Variants in ACSM3 observed in about 807,000 individuals in gnomAD.
The protein encoded by ACSM3 is acyl-CoA synthetase medium chain family member 3, also known as acyl-coenzyme A synthetase ACSM3, mitochondrial.
A neutral mutation model predicts 74.1 loss-of-function variants in ACSM3; 61 were observed. That is an observed-to-expected ratio of 0.82 (90% CI 0.67 to 1.02). ACSM3 has a LOEUF of 1.02. Ranked by LOEUF, ACSM3 falls within the 50% of genes least tolerant of loss-of-function variation. ACSM3 has a pLI of 0.00. For synonymous variants in ACSM3, 213 were observed against 241.5 expected, an observed-to-expected ratio of 0.88 and a Z score of 1.09; for missense variants, 660 against 697.0, an observed-to-expected ratio of 0.95 and a Z score of 0.60.
intron 1 of ACSM3, among the ~76,000 whole-genome samples, chr16:20,727,648 G>T (rs28638307): frequency 6.6e-6 from 1 of 152,056 alleles, no homozygotes; most frequent in Non-Finnish European, 1.5e-5. Flanking sequence ...TGCTAAAGGG[G>T]TGATGATTAT....
In ACSM3 at chr16:20,741,899, G is replaced by T. The variant is rs1014674415; in HGVS notation, c.-189-8011G>T. The T allele has an allele frequency of 2.6e-6, 4 of 1,534,484 alleles. No individual in the cohort carries two copies. The African/African-American group carries it at 5.5e-5, about 21-fold the overall frequency. On this transcript the variant is annotated intron_variant, in intron 1 of 3. Transcript: ENST00000561584. ...CTGCGCCAGGTCCTAAGGCCGGTCT[G>T]CAATCGTGAAAGGGGTGGAGTGATA...
intron 1 of ACSM3, among the ~76,000 whole-genome samples, chr16:20,705,901 T>C (rs979352516): frequency 3.3e-5 from 5 of 152,158 alleles, no homozygotes; most frequent in African/African-American, 1.2e-4. Context: ...GAAATGATTT[T>C]AAAATTGAGA....
At chr16:20,773,074 ATT>A (rs1205377650) in intron 2 of ACSM3, among the ~76,000 whole-genome samples, 1 of 151,836 alleles carries the variant, frequency 6.6e-6, no homozygotes, top group Admixed American at 6.6e-5. Flanking sequence ...ATTACATATT[ATT>A]GGTCTATTCA....
chr16:20,790,480 T>G lies in ACSM3; in HGVS notation c.1225-107T>G. The stretch of plus-strand genomic sequence containing the variant: ...TCACACACACAAAATTTTTTTTAAG[T>G]CTTCATTTTTAAATGGCAAAAGCCA... On this transcript the variant is annotated intron_variant, in intron 9 of 13. Transcript: ENST00000289416. The surrounding 1 kb of genome is among the most constrained non-coding windows in gnomAD (Gnocchi z 4.0). The G allele has an allele frequency of 8.9e-7, 1 of 1,128,800 alleles. No homozygotes were observed. Among genetic ancestry groups the G allele is most frequent in the Non-Finnish European group, 1.3e-6 (1 of 787,314 alleles). The allele number at this position is 1,128,800 out of a possible 1,614,324, so 69.9% of individuals were successfully genotyped here.
At chr16:20,678,135 C>A (rs2079350215) in intron 1 of ACSM3, among the ~76,000 whole-genome samples, 1 of 152,070 alleles carries the variant, frequency 6.6e-6, no homozygotes, top group South Asian at 2.1e-4. Context: ...CTGTAGATCC[C>A]AAGCTACACT....
chr16:20,793,128 G>A (rs1421316610), intron 12 of ACSM3, among the ~76,000 whole-genome samples: 1 of 152,172 alleles, frequency 6.6e-6, no homozygotes, highest in Non-Finnish European at 1.5e-5. Context: ...ACAGGGCACA[G>A]GGCAGAGTTA....
chr16:20,789,357 A>G, intron 9 of ACSM3: 4 of 742,708 alleles, frequency 5.4e-6, no homozygotes, highest in Non-Finnish European at 9.4e-6. Flanking sequence ...AAGTACTTAA[A>G]GGTTTAGCAT....
intron 1 of ACSM3, among the ~76,000 whole-genome samples, chr16:20,717,742 T>C (rs1018929420): frequency 3.9e-5 from 6 of 151,934 alleles, no homozygotes; most frequent in African/African-American, 1.5e-4. Flanking sequence ...AAAATGCATG[T>C]CCTTTTGTTA....
chr16:20,796,268 C>G, intron 12 of ACSM3, 102 bp from the exon 13 acceptor site: 1 of 1,508,000 alleles, frequency 6.6e-7, no homozygotes, highest in Non-Finnish European at 8.8e-7. Flanking sequence ...ACACACTGGC[C>G]CACCCCACCA....
At chr16:20,778,955 G>A (rs188331606) in intron 4 of ACSM3, among the ~76,000 whole-genome samples, 1 of 152,288 alleles carries the variant, frequency 6.6e-6, no homozygotes, top group African/African-American at 2.4e-5. Context: ...GTTTCGTCAT[G>A]TTAGCCAGGA....
chr16:20,685,182 G>A (rs780488917), intron 1 of ACSM3: 62 of 1,613,984 alleles, frequency 3.8e-5, no homozygotes. Flanking sequence ...GGTCCCTCTT[G>A]CATCACTGAC....
In ACSM3 at chr16:20,796,449, A is replaced by G. The variant is rs13306608; in HGVS notation, c.1634A>G (p.His545Arg). The change falls in exon 13 of 14, where the codon CAT becomes CGT. Residue 545 changes from histidine (H) to arginine (R), a missense_variant. Transcript: ENST00000289416. The stretch of plus-strand genomic sequence containing the variant: ...CAACTAATAAAGGAGATTCAGGAGC[A>G]TGTTAAAAAAACTACAGCACCTTAC... Reference protein sequence around the residue: ...QEQLIKEIQEHVKKTTAPYKY... With the variant: ...QEQLIKEIQERVKKTTAPYKY... 1.9e-6 allele frequency: 3 copies of G among 1,613,862 alleles called. No homozygotes were observed. Among genetic ancestry groups the G allele is most frequent in the Non-Finnish European group, 2.5e-6 (3 of 1,179,930 alleles).
At chr16:20,690,621 C>A (rs1453712559) in intron 1 of ACSM3, among the ~76,000 whole-genome samples, 6 of 152,212 alleles carry the variant, frequency 3.9e-5, no homozygotes, top group African/African-American at 1.2e-4. Flanking sequence ...AGTTTGATGA[C>A]ATGAATACCA....
intron 1 of ACSM3, among the ~76,000 whole-genome samples, chr16:20,765,942 T>C (rs1260832006): frequency 6.6e-6 from 1 of 152,232 alleles, no homozygotes; most frequent in Middle Eastern, 3.2e-3. Context: ...TATTCCCTTG[T>C]TTACTATATG....
intron 1 of ACSM3, among the ~76,000 whole-genome samples, chr16:20,700,943 G>A (rs768148026): frequency 5.9e-5 from 9 of 152,174 alleles, no homozygotes; most frequent in South Asian, 2.1e-4. Flanking sequence ...AAGTAATGAC[G>A]GTGGCTCAGA....
intron 1 of ACSM3, among the ~76,000 whole-genome samples, chr16:20,684,629 G>A (rs933797896): frequency 2.0e-5 from 3 of 152,174 alleles, no homozygotes; most frequent in African/African-American, 7.2e-5. Flanking sequence ...TGCAGAAAAG[G>A]CTGTGGAATA....
At chr16:20,718,354 G>T in intron 1 of ACSM3, 1 of 926,882 alleles carries the variant, frequency 1.1e-6, no homozygotes. Context: ...TTGCAGATCC[G>T]CCTCTGAAGA....
chr16:20,762,108 T>A (rs2080082063), upstream of ACSM3, among the ~76,000 whole-genome samples: 1 of 152,226 alleles, frequency 6.6e-6, no homozygotes, highest in Non-Finnish European at 1.5e-5. Flanking sequence ...GCTCTAAAAC[T>A]TTCTAATAAA....
In ACSM3 at chr16:20,777,510, A is replaced by G. The variant is rs772728883; in HGVS notation, c.568A>G (p.Asn190Asp). ...AVDAVASKCE[N>D]LHSKLIVSEN... The stretch of plus-strand genomic sequence containing the variant: ...AGACGCTGTTGCATCCAAATGTGAA[A>G]ATCTGCACTCCAAGCTGATTGTATC... The change falls in exon 4 of 14, where the codon AAT (asparagine) becomes GAT (aspartate). Residue 190 changes from asparagine to aspartate, a missense_variant. Transcript: ENST00000289416. 6.2e-7 allele frequency: 1 copy of G among 1,614,138 alleles called. No individual in the cohort carries two copies. Among genetic ancestry groups the G allele is most frequent in the Non-Finnish European group, 8.5e-7 (1 of 1,180,012 alleles).
Sources: gnomAD v4.1 joint callset for allele counts (sites outside exome capture counted in the v4.1 genomes callset) on GRCh38, gnomAD v4.1.1 for gene constraint, Gnocchi (gnomAD v3.1) non-coding constraint, MANE v1.5 for transcripts, NCBI Gene and HGNC (gene_info 2026-07-23, HGNC 2026-07-21) for gene names.